SPTLC2: variants seen among roughly 807,000 people sequenced by gnomAD.
SPTLC2 encodes serine palmitoyltransferase long chain base subunit 2.
SPTLC2 carries 21 observed loss-of-function variants against 62.0 expected under a neutral mutation model. The observed-to-expected ratio is 0.34, with a 90% confidence interval of 0.24 to 0.49. SPTLC2 has a LOEUF of 0.49. Ranked by LOEUF, SPTLC2 falls within the 20% of genes least tolerant of loss-of-function variation. The pLI is 0.99. For synonymous variants in SPTLC2, 261 were observed against 261.8 expected (o/e 1.00, Z 0.03); for missense variants, 511 against 713.0 (o/e 0.72, Z 3.23).
chr14:77,574,386 C>A (rs2079701880), intron 4 of SPTLC2, among the ~76,000 whole-genome samples: 1 of 152,174 alleles, frequency 6.6e-6, no homozygotes, highest in South Asian at 2.1e-4. Flanking sequence ...AACCCTCATA[C>A]ATCGATGGAG....
Position 77,512,031 on chromosome 14 carries a change from GT to G in SPTLC2, c.*252del. ...AAGTAGAATGGTTGCAAAATAAAAT[GT>G]TTTTTTAATGGACTGAAAAAGCAAA... On this transcript the variant is annotated 3_prime_UTR_variant, in exon 12 of 12. Transcript: ENST00000216484. 3.9e-6 allele frequency: 2 copies of G among 513,008 alleles called. No homozygotes were observed. Among genetic ancestry groups the G allele is most frequent in the Non-Finnish European group, 7.0e-6 (2 of 284,560 alleles). 31.8% of individuals were successfully genotyped at this position (513,008 alleles called of 1,614,324 possible).
intron 9 of SPTLC2, among the ~76,000 whole-genome samples, chr14:77,525,648 C>T (rs1386996627): frequency 6.6e-6 from 1 of 151,578 alleles, no homozygotes; most frequent in Non-Finnish European, 1.5e-5. Flanking sequence ...TGGTGGCTCA[C>T]GCCTGTAATC....
chr14:77,536,092 G>C, intron 9 of SPTLC2: 1 of 381,064 alleles, frequency 2.6e-6, no homozygotes, highest in South Asian at 2.0e-5. Context: ...CTCAATTTTG[G>C]TGGAGCAAGT....
chr14:77,563,312 A>G (rs1279596444), intron 5 of SPTLC2, among the ~76,000 whole-genome samples: 1 of 152,190 alleles, frequency 6.6e-6, no homozygotes, highest in Non-Finnish European at 1.5e-5. Context: ...ACTTGGTTCC[A>G]GAACTGCCTC....
At chr14:77,614,069 C>A (rs375616570) in intron 1 of SPTLC2, among the ~76,000 whole-genome samples, 1 of 152,182 alleles carries the variant, frequency 6.6e-6, no homozygotes, top group African/African-American at 2.4e-5. Context: ...GACCGTTCTT[C>A]CAAATGCCAC....
intron 9 of SPTLC2, among the ~76,000 whole-genome samples, chr14:77,545,718 G>C (rs1276221657): frequency 6.6e-6 from 1 of 152,054 alleles, no homozygotes; most frequent in African/African-American, 2.4e-5. Flanking sequence ...GGGGAGAAAA[G>C]CAATTCCAAT....
chr14:77,529,982 C>T lies in SPTLC2; in HGVS notation c.1304-8401G>A, dbSNP rs935951933. On this transcript the variant is annotated intron_variant, in intron 9 of 11. Coordinates refer to ENST00000216484, the MANE Select transcript of SPTLC2 (RefSeq NM_004863.4). ...TAGCCTGCCTTATCTCCTGATAAGA[C>T]AGTACTTTATAGTCTATCATAAACA... 2.6e-5 allele frequency among the ~76,000 whole-genome samples: 4 copies of T among 152,070 alleles called. No individual in the cohort carries two copies. The East Asian group carries it at 7.7e-4, about 29-fold the overall frequency.
intron 1 of SPTLC2, among the ~76,000 whole-genome samples, chr14:77,609,831 C>T (rs559914560): frequency 2.3e-4 from 35 of 152,090 alleles, no homozygotes; most frequent in Non-Finnish European, 2.4e-4. Flanking sequence ...GTGGAGGCTG[C>T]GGTGAGCCAT....
intron 9 of SPTLC2, among the ~76,000 whole-genome samples, chr14:77,525,033 G>A (rs923361501): frequency 2.0e-5 from 3 of 152,086 alleles, no homozygotes; most frequent in Admixed American, 6.6e-5. Context: ...TAATGTTTGC[G>A]GTGACACATA....
rs550064152 is a variant in SPTLC2 at position 77,611,999 on chromosome 14, A to T, written c.132+4449T>A. Among the ~76,000 whole-genome samples, 40 of 152,360 alleles carry T rather than the reference A, an allele frequency of 2.6e-4. 1 individual carries two copies. The highest frequency in any genetic ancestry group is 8.7e-4 in the African/African-American group (36 of 41,586). ...AGACAAACTTAAGATAAATTTTCTA[A>T]CAGTAAATGGGTCAAGAGCAAAGGA... On this transcript the variant is annotated intron_variant, in intron 1 of 11. Coordinates refer to ENST00000216484, the MANE Select transcript of SPTLC2 (RefSeq NM_004863.4).
intron 9 of SPTLC2, among the ~76,000 whole-genome samples, chr14:77,525,500 G>A (rs2079404461): frequency 6.6e-6 from 1 of 151,888 alleles, no homozygotes. Context: ...TGAGGCAGGA[G>A]AATTGCTTGA....
intron 9 of SPTLC2, among the ~76,000 whole-genome samples, chr14:77,542,060 C>T (rs1228352507): frequency 8.5e-6 from 1 of 117,006 alleles, no homozygotes; most frequent in Non-Finnish European, 1.8e-5. Flanking sequence ...GACTCTGTGT[C>T]CGGAAAAAAA....
chr14:77,611,719 A>G (rs986734048), intron 1 of SPTLC2, among the ~76,000 whole-genome samples: 3 of 151,514 alleles, frequency 2.0e-5, no homozygotes, highest in Non-Finnish European at 1.5e-5. Context: ...CCAGCTACTC[A>G]GGAGGCTGAG....
In SPTLC2 at chr14:77,510,019, G is replaced by A; in HGVS notation, c.*2265C>T. On this transcript the variant is annotated 3_prime_UTR_variant, in exon 12 of 12. Transcript: ENST00000216484. Reference sequence around the variant, plus strand: ...TTTTACAAACCCTACGTTTACATTAGTAAATAGTAACTGCAGTGCAAAAGC... The same window carrying A: ...TTTTACAAACCCTACGTTTACATTAATAAATAGTAACTGCAGTGCAAAAGC... The A allele has an allele frequency of 2.5e-6, 1 of 398,132 alleles. No individual in the cohort carries two copies. Among genetic ancestry groups the A allele is most frequent in the East Asian group, 3.6e-5 (1 of 27,986 alleles). 24.7% of individuals were successfully genotyped at this position (398,132 alleles called of 1,614,324 possible).
At chr14:77,524,276 A>C (rs1351331668) in intron 9 of SPTLC2, among the ~76,000 whole-genome samples, 1 of 152,172 alleles carries the variant, frequency 6.6e-6, no homozygotes, top group East Asian at 1.9e-4. Context: ...GGCGGCTGAT[A>C]GCAAAGGGGC....
At chr14:77,575,090 C>T (rs953142354) in intron 4 of SPTLC2, among the ~76,000 whole-genome samples, 3 of 151,984 alleles carry the variant, frequency 2.0e-5, no homozygotes, top group African/African-American at 4.8e-5. Context: ...GGCATGGTGG[C>T]GTGCACCTAT....
chr14:77,542,186 A>G (rs145133972), intron 9 of SPTLC2, among the ~76,000 whole-genome samples: 4 of 152,236 alleles, frequency 2.6e-5, no homozygotes, highest in Admixed American at 2.0e-4. Context: ...GTCAGTGAAG[A>G]TATTTTTAAA....
At chr14:77,587,736 G>A (rs1237645679) in intron 2 of SPTLC2, among the ~76,000 whole-genome samples, 10 of 145,874 alleles carry the variant, frequency 6.9e-5, no homozygotes, top group Non-Finnish European at 1.2e-4. Flanking sequence ...CAGCCTGGGC[G>A]ACAAGAGCAA....
At chr14:77,529,527 T>G (rs1436562286) in intron 9 of SPTLC2, among the ~76,000 whole-genome samples, 1 of 151,884 alleles carries the variant, frequency 6.6e-6, no homozygotes, top group Non-Finnish European at 1.5e-5. Context: ...ACTGACTCCC[T>G]TTAAGCAAAG....
Sources: gnomAD v4.1 joint callset for allele counts (sites outside exome capture counted in the v4.1 genomes callset) on GRCh38, gnomAD v4.1.1 for gene constraint, MANE v1.5 for transcripts, NCBI Gene and HGNC (gene_info 2026-07-23, HGNC 2026-07-21) for gene names.